BFSP2: variants seen among roughly 807,000 people sequenced by gnomAD.
BFSP2 encodes the protein beaded filament structural protein 2.
BFSP2 carries 38 observed loss-of-function variants against 44.9 expected under a neutral mutation model. That is an observed-to-expected ratio of 0.85 (90% CI 0.65 to 1.11). The LOEUF (loss-of-function observed/expected upper bound fraction) is 1.11. BFSP2 is among the 50% of genes least tolerant of loss of function. The pLI is 0.00. For synonymous variants in BFSP2, 197 were observed against 209.9 expected, an observed-to-expected ratio of 0.94 and a Z score of 0.53; for missense variants, 525 against 533.0, an observed-to-expected ratio of 0.99 and a Z score of 0.15.
intron 5 of BFSP2, among the ~76,000 whole-genome samples, chr3:133,470,178 T>C (rs2074148831): frequency 6.6e-6 from 1 of 152,242 alleles, no homozygotes; most frequent in African/African-American, 2.4e-5. Context: ...ATTTATTTTC[T>C]AGTGATCACG....
chr3:133,439,369 T>C (rs1174778276), intron 1 of BFSP2, among the ~76,000 whole-genome samples: 1 of 152,228 alleles, frequency 6.6e-6, no homozygotes, highest in Non-Finnish European at 1.5e-5. Context: ...TTAACAAACA[T>C]TTATTGAGCA....
chr3:133,408,216 A>G (rs185349090), intron 1 of BFSP2, among the ~76,000 whole-genome samples: 1 of 152,338 alleles, frequency 6.6e-6, no homozygotes, highest in Non-Finnish European at 1.5e-5. Flanking sequence ...TGTTAGAGAT[A>G]TGAACAGACA....
At chr3:133,456,204 G>A (rs1212945193) in intron 4 of BFSP2, among the ~76,000 whole-genome samples, 2 of 152,156 alleles carry the variant, frequency 1.3e-5, no homozygotes, top group Admixed American at 6.5e-5. Context: ...AGGCATCTGC[G>A]GTCAGGAACT....
chr3:133,421,616 G>A (rs2107894365), intron 1 of BFSP2, among the ~76,000 whole-genome samples: 1 of 152,318 alleles, frequency 6.6e-6, no homozygotes, highest in Admixed American at 6.5e-5. Flanking sequence ...CACAGGTACT[G>A]GGGGTCAGGA....
At chr3:133,435,678 C>T (rs2073773727) in intron 1 of BFSP2, among the ~76,000 whole-genome samples, 1 of 152,208 alleles carries the variant, frequency 6.6e-6, no homozygotes, top group Non-Finnish European at 1.5e-5. Flanking sequence ...ATGGTGTCAG[C>T]TATTCTTTCT....
In BFSP2 at chr3:133,447,324, A is replaced by T; in HGVS notation, c.497A>T (p.Glu166Val). Residue 166 changes from glutamate to valine, a missense_variant, in exon 2 of 7, where the codon GAG becomes GTG. By Grantham distance (121) the Glu-to-Val change is moderately radical. Coordinates refer to ENST00000302334, the MANE Select transcript of BFSP2 (RefSeq NM_003571.4). The stretch of plus-strand genomic sequence containing the variant: ...TGTGTGTGATCGCTCTAGGTGGGTG[A>T]GGCAGTCTTGGAAAATGCCCGGCTC... ...SWASSCQQVG[E>V]AVLENARLML... 6.2e-7 allele frequency: 1 copy of T among 1,613,940 alleles called. No individual in the cohort carries two copies. The highest frequency in any genetic ancestry group is 8.5e-7 in the Non-Finnish European group (1 of 1,179,974).
At chr3:133,443,302 C>G (rs1428013916) in intron 1 of BFSP2, among the ~76,000 whole-genome samples, 2 of 152,082 alleles carry the variant, frequency 1.3e-5, no homozygotes, top group Non-Finnish European at 2.9e-5. Context: ...ATGTGAAAGT[C>G]ATTAGCACAT....
In BFSP2 at chr3:133,441,101, G is replaced by A. The variant is rs1359861258; in HGVS notation, c.490-6216G>A. Among the ~76,000 whole-genome samples the A allele has an allele frequency of 5.4e-5, 8 of 148,388 alleles. No individual in the cohort carries two copies. In the East Asian group the frequency reaches 7.9e-4, roughly 15 times the overall value. ...GTTGCCCAGGCTAGAGTGCAATGGC[G>A]CCATCTCGGCTCACTGCAACCTCCG... On this transcript the variant is annotated intron_variant, in intron 1 of 6. Coordinates refer to ENST00000302334, the MANE Select transcript of BFSP2 (RefSeq NM_003571.4).
chr3:133,412,419 A>T (rs2073463652), intron 1 of BFSP2: 1 of 152,264 alleles, frequency 6.6e-6, no homozygotes, highest in South Asian at 2.1e-4. Context: ...AGTGAGCAGT[A>T]ACACAAACAG....
chr3:133,441,039 CTTTT>C (rs534254115), intron 1 of BFSP2, among the ~76,000 whole-genome samples: 1 of 127,288 alleles, frequency 7.9e-6, no homozygotes. Flanking sequence ...CAGATGCAAT[CTTTT>C]TTTTTTTTTT....
intron 1 of BFSP2, among the ~76,000 whole-genome samples, chr3:133,411,126 TA>T: frequency 6.8e-6 from 1 of 146,208 alleles, no homozygotes; most frequent in Admixed American, 6.8e-5. Context: ...AGAATATTAT[TA>T]AGAACATTAA....
chr3:133,466,476 T>A (rs1224814107), intron 4 of BFSP2, among the ~76,000 whole-genome samples: 1 of 151,320 alleles, frequency 6.6e-6, no homozygotes, highest in Non-Finnish European at 1.5e-5. Context: ...GGTCAGGAGT[T>A]CAAGACCAGC....
intron 1 of BFSP2, among the ~76,000 whole-genome samples, chr3:133,415,104 C>A: frequency 7.2e-6 from 1 of 139,714 alleles, no homozygotes. Context: ...CTACTCAGCC[C>A]TGCCTCCTCT....
At chr3:133,425,260 G>A (rs2073632896) in intron 1 of BFSP2, among the ~76,000 whole-genome samples, 1 of 152,188 alleles carries the variant, frequency 6.6e-6, no homozygotes, top group South Asian at 2.1e-4. Flanking sequence ...TGGACTCTGG[G>A]ACCTGGAGGT....
At chr3:133,414,551 A>C (rs1465261687) in intron 1 of BFSP2, among the ~76,000 whole-genome samples, 10 of 56,108 alleles carry the variant, frequency 1.8e-4, no homozygotes, top group African/African-American at 2.4e-4. Context: ...TCACCCCTCT[A>C]CTCACCCCTG....
At chr3:133,425,913 G>GGGAAGGCTAGGGAA (rs2073645419) in intron 1 of BFSP2, among the ~76,000 whole-genome samples, 1 of 48,280 alleles carries the variant, frequency 2.1e-5, no homozygotes, top group Non-Finnish European at 3.5e-5. Context: ...AGAGAAAGGA[G>GGGAAGGCTAGGGAA]GGCAAGGGAA....
At chr3:133,458,563 C>G (rs1401302302) in intron 4 of BFSP2, among the ~76,000 whole-genome samples, 4 of 152,112 alleles carry the variant, frequency 2.6e-5, no homozygotes, top group Non-Finnish European at 5.9e-5. Flanking sequence ...GGTGTGGTGG[C>G]ACACACATGT....
chr3:133,433,831 C>T (rs1455653061), intron 1 of BFSP2, among the ~76,000 whole-genome samples: 2 of 152,214 alleles, frequency 1.3e-5, no homozygotes, highest in African/African-American at 2.4e-5. Context: ...TTACCACTTT[C>T]GCTTCTCAGA....
chr3:133,426,430 A>G (rs1156527590), intron 1 of BFSP2, among the ~76,000 whole-genome samples: 1 of 152,206 alleles, frequency 6.6e-6, no homozygotes, highest in Admixed American at 6.5e-5. Flanking sequence ...TCTTTTAATC[A>G]TCTTGAAATC....
Sources: allele counts gnomAD v4.1 joint callset (sites outside exome capture counted in the v4.1 genomes callset), GRCh38; gene constraint gnomAD v4.1.1; transcripts MANE v1.5; gene names NCBI Gene and HGNC (gene_info 2026-07-23, HGNC 2026-07-21).